The following MUC4 variants were observed in gnomAD, a reference collection of about 807,000 sequenced individuals.
The protein encoded by MUC4 is mucin-4.
In MUC4, 202 loss-of-function variants were observed where a neutral mutation model predicts 257.9. That is an observed-to-expected ratio of 0.78 (90% CI 0.70 to 0.88). The LOEUF is 0.88. Ranked by LOEUF, MUC4 falls within the 40% of genes least tolerant of loss-of-function variation. The pLI is 0.00. For synonymous variants in MUC4, 2,351 were observed against 2,757.1 expected (o/e 0.85, Z 4.62); for missense variants, 5,976 against 6,513.7 (o/e 0.92, Z 2.84).
chr3:195,761,244 C>A, intron 15 of MUC4, 127 bp from the exon 16 acceptor site: 1 of 881,772 alleles, frequency 1.1e-6, no homozygotes. Flanking sequence ...GAGCGGTTTC[C>A]AGCTTCTGAG....
At position 195,782,897 on chromosome 3, in the gene MUC4, T is replaced by C. The variant is rs747495329; in HGVS notation, c.8683A>G (p.Thr2895Ala). The stretch of plus-strand genomic sequence containing the variant: ...GAAAGGCTGGTGAGAGGAAGAGGGG[T>C]AGCGTGACCTGTGGACACTGAGGAA... ...DASSVSTGHA[T>A]PLPLTSLSSV... The change falls in exon 2 of 25, where the codon ACC becomes GCC. Residue 2895 changes from threonine to alanine, a missense_variant. By Grantham distance (58) the Thr-to-Ala change is moderately conservative. Transcript: ENST00000463781. The C allele has an allele frequency of 2.0e-6, 3 of 1,517,492 alleles. No homozygotes were observed. In the African/African-American group the frequency reaches 4.4e-5, roughly 22 times the overall value. The allele number at this position is 1,517,492 out of a possible 1,614,324, so 94.0% of individuals were successfully genotyped here. A position where few individuals can be genotyped will look rare whatever the true frequency, so the allele number is the denominator to read the frequency against.
At chr3:195,753,309 G>A (rs1368750154) in intron 19 of MUC4, 79 bp from the exon 20 acceptor site, 13 of 1,438,584 alleles carry the variant, frequency 9.0e-6, no homozygotes, top group Non-Finnish European at 1.2e-5. Flanking sequence ...CCCGCTCCGG[G>A]ACAGGCTTGC....
intron 2 of MUC4, 63 bp from the exon 3 acceptor site, chr3:195,778,518 G>C: frequency 1.9e-6 from 3 of 1,584,004 alleles, no homozygotes; most frequent in Non-Finnish European, 2.6e-6. Flanking sequence ...GAGTCAAAGA[G>C]ATTCAAAGAA....
chr3:195,785,594 C>G lies in MUC4; in HGVS notation c.5986G>C (p.Gly1996Arg). 1 of 1,536,382 alleles carries G rather than the reference C, an allele frequency of 6.5e-7. No individual in the cohort carries two copies. The highest frequency in any genetic ancestry group is 8.8e-7 in the Non-Finnish European group (1 of 1,140,098). The stretch of plus-strand genomic sequence containing the variant: ...GTGACCGGAAGAGGGGTGGCATGAC[C>G]TGTGGACACTGAGGAAGCGTCGGTG... ...PVTDASSVSTGHATPLPVTDT... is the reference protein window; with the variant it reads ...PVTDASSVSTRHATPLPVTDT... Residue 1996 changes from glycine (G) to arginine (R), a missense_variant, in exon 2 of 25, where the codon GGT (glycine) becomes CGT (arginine). Physicochemically the swap from Gly to Arg is moderately radical, Grantham distance 125. Around this residue, in one of 44 missense-constraint regions of MUC4, gnomAD observed 51 missense variants for 45.1 expected, o/e 1.13. Coordinates refer to ENST00000463781, the MANE Select transcript of MUC4 (RefSeq NM_018406.7).
At chr3:195,766,388 G>A (rs940052340) in intron 8 of MUC4, among the ~76,000 whole-genome samples, 2 of 152,120 alleles carry the variant, frequency 1.3e-5, no homozygotes, top group African/African-American at 4.8e-5. Flanking sequence ...TCCAGGATCT[G>A]GGCCCCCCGA....
chr3:195,783,084 AGAGGTGG>A lies in MUC4; in HGVS notation c.8489_8495del (p.Ala2830ValfsTer172). The A allele has an allele frequency of 1.1e-5, 14 of 1,278,486 alleles. No individual in the cohort carries two copies. The highest frequency in any genetic ancestry group is 9.5e-5 in the East Asian group (3 of 31,430). 79.2% of individuals were successfully genotyped at this position (1,278,486 alleles called of 1,614,324 possible). The stretch of plus-strand genomic sequence containing the variant: ...CTGAGGAAGGGATGGTGACAGGAAG[AGAGGTGG>A]CATGACCTGTGAACACTGAGGAAGC... On this transcript the variant is annotated frameshift_variant, in exon 2 of 25. Coordinates refer to ENST00000463781, the MANE Select transcript of MUC4 (RefSeq NM_018406.7). LOFTEE classifies it high-confidence loss of function.
At chr3:195,753,021 G>T in intron 20 of MUC4, 30 bp downstream of exon 20, 1 of 1,595,584 alleles carries the variant, frequency 6.3e-7, no homozygotes, top group Non-Finnish European at 8.5e-7. Flanking sequence ...GAAGAGTGCG[G>T]GGGTGAGAGG....
intron 1 of MUC4, among the ~76,000 whole-genome samples, chr3:195,797,717 A>G (rs1734736157): frequency 6.6e-6 from 1 of 152,248 alleles, no homozygotes; most frequent in Admixed American, 6.5e-5. Flanking sequence ...AAACAAGCCT[A>G]TGGTTATTTG....
chr3:195,747,309 A>T lies in MUC4; in HGVS notation c.16106T>A (p.Phe5369Tyr). The T allele has an allele frequency of 2.5e-6, 4 of 1,614,156 alleles. No homozygotes were observed. The highest frequency in any genetic ancestry group is 3.4e-6 in the Non-Finnish European group (4 of 1,179,944). ...CEHLSMKLDA[F>Y]FGIFFGALGG... ...CAGGGCCCCAAAGAAGATGCCGAAGAACGCGTCGAGTTTCATGCTCAGGTG... is the reference window on the plus strand; with the variant it reads ...CAGGGCCCCAAAGAAGATGCCGAAGTACGCGTCGAGTTTCATGCTCAGGTG... Residue 5369 changes from phenylalanine to tyrosine, a missense_variant, in exon 25 of 25, where the codon TTC becomes TAC. Phe to Tyr is a conservative substitution (Grantham distance 22). Coordinates refer to ENST00000463781, the MANE Select transcript of MUC4 (RefSeq NM_018406.7).
intron 5 of MUC4, 53 bp from the exon 6 acceptor site, chr3:195,770,424 A>G (rs1393248924): frequency 3.8e-6 from 6 of 1,599,816 alleles, no homozygotes; most frequent in African/African-American, 2.7e-5. Context: ...ACTCCTACAC[A>G]TGGGCCCCCC....
At chr3:195,754,802 G>GTGTGTATC (rs1717209704) in intron 18 of MUC4, among the ~76,000 whole-genome samples, 2 of 151,428 alleles carry the variant, frequency 1.3e-5, no homozygotes, top group Non-Finnish European at 1.5e-5. Flanking sequence ...ATGCATGTAT[G>GTGTGTATC]CATGTATGTA....
chr3:195,759,124 C>G lies in MUC4; in HGVS notation c.14986G>C (p.Glu4996Gln), dbSNP rs1252397827. The G allele has an allele frequency of 6.2e-7, 1 of 1,613,800 alleles. No individual in the cohort carries two copies. The highest frequency in any genetic ancestry group is 2.2e-5 in the East Asian group (1 of 44,886). ...TCCCCAGCCAGCCAAATAGTCCTAC[C>G]AAAGAGCTCCAAGTCGGTGCAGCTG... ...RDSCTDLELF[E>Q]NGTLLWTPKS... The change falls in exon 17 of 25, where the codon GAG becomes CAG. Residue 4996 changes from glutamate to glutamine, a missense_variant and splice_region_variant. By Grantham distance (29) the Glu-to-Gln change is conservative. This residue lies in a region of MUC4 where 996 missense variants were observed against 1,137.3 expected (regional missense o/e 0.88). Transcript: ENST00000463781.
chr3:195,796,700 T>A (rs886429481), intron 1 of MUC4, among the ~76,000 whole-genome samples: 3 of 151,628 alleles, frequency 2.0e-5, no homozygotes, highest in Admixed American at 6.6e-5. Context: ...CAAAAAAAAA[T>A]ATGTATATAT....
In MUC4 at chr3:195,784,141, G is replaced by T. The variant is rs200284897; in HGVS notation, c.7439C>A (p.Pro2480His). The T allele has an allele frequency of 2.3e-3, 3,446 of 1,528,366 alleles. 25 individuals carry two copies. The highest frequency in any genetic ancestry group is 3.9e-3 in the Middle Eastern group (18 of 4,624). The allele number at this position is 1,528,366 out of a possible 1,614,324, so 94.7% of individuals were successfully genotyped here. ...TSSVSTGHTT[P>H]LLVTDASSVS... The stretch of plus-strand genomic sequence containing the variant: ...TGACGAAGCGTCGGTGACAAGAAGA[G>T]GGGTGGTGTGACCTGTGGATACTGA... Residue 2480 changes from proline to histidine, a missense_variant, in exon 2 of 25, where the codon CCT becomes CAT. This residue lies in a region of MUC4 where 57 missense variants were observed against 116.5 expected (regional missense o/e 0.49). Transcript: ENST00000463781.
In MUC4 at chr3:195,786,599, G is replaced by T. The variant is rs577584155; in HGVS notation, c.4981C>A (p.His1661Asn). The T allele has an allele frequency of 1.3e-6, 2 of 1,526,748 alleles. No individual in the cohort carries two copies. Among genetic ancestry groups the T allele is most frequent in the Middle Eastern group, 2.1e-4 (1 of 4,846 alleles). The allele number at this position is 1,526,748 out of a possible 1,614,324, so 94.6% of individuals were successfully genotyped here. A position where few individuals can be genotyped will look rare whatever the true frequency, so the allele number is the denominator to read the frequency against. Reference sequence around the variant, plus strand: ...CTGGTGACAGGAAGAGGGGTGGCGTGACCTGTGGATGCTGAGGAAGGGCTG... The same window carrying T: ...CTGGTGACAGGAAGAGGGGTGGCGTTACCTGTGGATGCTGAGGAAGGGCTG... ...VTSPSSASTGHATPLPVTSTS... is the reference protein window; with the variant it reads ...VTSPSSASTGNATPLPVTSTS... Residue 1661 changes from histidine to asparagine, a missense_variant, in exon 2 of 25, where the codon CAC becomes AAC. By Grantham distance (68) the His-to-Asn change is moderately conservative. Transcript: ENST00000463781.
intron 20 of MUC4, 74 bp downstream of exon 20, chr3:195,752,976 TG>T: frequency 7.8e-7 from 1 of 1,276,776 alleles, no homozygotes; most frequent in Non-Finnish European, 1.1e-6. Context: ...TCCCCAAAGG[TG>T]GGCGGAGTGC....
Position 195,811,928 on chromosome 3 carries a change from G to A in MUC4, c.-111C>T. On this transcript the variant is annotated 5_prime_UTR_variant, in exon 1 of 25. Coordinates refer to ENST00000463781, the MANE Select transcript of MUC4 (RefSeq NM_018406.7). The stretch of plus-strand genomic sequence containing the variant: ...CTCAGGCGGCTGGCCCGAACCAAGT[G>A]CGTTTCTCCGAAGGGGCCAGGGAAC... 9.4e-7 allele frequency: 1 copy of A among 1,066,356 alleles called. No homozygotes were observed. The allele number at this position is 1,066,356 out of a possible 1,614,324, so 66.1% of individuals were successfully genotyped here. A position where few individuals can be genotyped will look rare whatever the true frequency, so the allele number is the denominator to read the frequency against.
At chr3:195,758,374 G>C (rs189845628) in intron 17 of MUC4, among the ~76,000 whole-genome samples, 16 of 152,094 alleles carry the variant, frequency 1.1e-4, no homozygotes, top group African/African-American at 3.9e-4. Flanking sequence ...GACAAAAAGA[G>C]CAAGAAAGGT....
chr3:195,788,342 A>G lies in MUC4; in HGVS notation c.3238T>C (p.Ser1080Pro). The G allele has an allele frequency of 6.5e-7, 1 of 1,548,440 alleles. No individual in the cohort carries two copies. Among genetic ancestry groups the G allele is most frequent in the Non-Finnish European group, 8.7e-7 (1 of 1,146,256 alleles). Residue 1080 changes from serine (S) to proline (P), a missense_variant, in exon 2 of 25, where the codon TCA (serine) becomes CCA (proline). Physicochemically the swap from Ser to Pro is moderately conservative, Grantham distance 74. Around this residue, in one of 44 missense-constraint regions of MUC4, gnomAD observed 68 missense variants for 90.4 expected, o/e 0.75. Coordinates refer to ENST00000463781, the MANE Select transcript of MUC4 (RefSeq NM_018406.7). ...GGGGTGGTGTCACCTGTGGATGCTG[A>G]GGAAAGGCTGGTGACAGGAAGAGGG... ...VTPLPVTSLSSASTGDTTPLP... is the reference protein window; with the variant it reads ...VTPLPVTSLSPASTGDTTPLP...
Sources: allele counts gnomAD v4.1 joint callset (sites outside exome capture counted in the v4.1 genomes callset), GRCh38; gene constraint gnomAD v4.1.1; regional missense constraint gnomAD v4.1.1; transcripts MANE v1.5; gene names NCBI Gene and HGNC (gene_info 2026-07-23, HGNC 2026-07-21).